Variants in PLCG2 observed in about 807,000 individuals in gnomAD.
PLCG2 encodes 1-phosphatidylinositol 4,5-bisphosphate phosphodiesterase gamma-2.
A neutral mutation model predicts 175.6 loss-of-function variants in PLCG2; 69 were observed. The ratio of observed to expected loss-of-function variants is 0.39; its 90% CI spans 0.32 to 0.48. PLCG2 has a LOEUF of 0.48. Ranked by LOEUF, PLCG2 falls within the 20% of genes least tolerant of loss-of-function variation. The pLI is 0.91. For missense variants in PLCG2, 1,798 were observed against 1,650.9 expected (o/e 1.09, Z -1.54); for synonymous variants, 827 against 624.0 (o/e 1.33, Z -4.85).
chr16:81,952,949 T>C (rs187931176), intron 31 of PLCG2, among the ~76,000 whole-genome samples: 2 of 152,342 alleles, frequency 1.3e-5, no homozygotes, highest in Admixed American at 1.3e-4. Context: ...CTTAATCAGA[T>C]GATCAACGTT....
intron 2 of PLCG2, among the ~76,000 whole-genome samples, chr16:81,827,190 G>GTTTTTTTGTTTTTT (rs1905081790): frequency 6.9e-6 from 1 of 144,066 alleles, no homozygotes; most frequent in African/African-American, 2.6e-5. Context: ...GGATTGCTGG[G>GTTTTTTTGTTTTTT]TTTTTTTTTT....
At chr16:81,742,762 C>T (rs148263735) in intron 1 of PLCG2, among the ~76,000 whole-genome samples, 2 of 152,276 alleles carry the variant, frequency 1.3e-5, no homozygotes, top group East Asian at 3.9e-4. Context: ...CGGGAGTGAA[C>T]AGGGGCCGGG....
chr16:81,869,692 A>G (rs1299745005), intron 6 of PLCG2, among the ~76,000 whole-genome samples: 1 of 152,188 alleles, frequency 6.6e-6, no homozygotes, highest in African/African-American at 2.4e-5. Context: ...GGCATTTTGT[A>G]TGCAAGTCCT....
intron 2 of PLCG2, among the ~76,000 whole-genome samples, chr16:81,789,851 C>CA (rs57522760): frequency 2.0e-5 from 3 of 151,792 alleles, no homozygotes; most frequent in South Asian, 2.1e-4. Flanking sequence ...TTTGCCCCCC[C>CA]TCCATTGCCT....
Position 81,785,960 on chromosome 16 carries a change from A to G in PLCG2, c.-30A>G, listed in dbSNP as rs749945394. On this transcript the variant is annotated 5_prime_UTR_variant, in exon 2 of 33. Coordinates refer to ENST00000564138, the MANE Select transcript of PLCG2 (RefSeq NM_002661.5). ...CCTTTCAGCTTCCTGATTTCTCCCG[A>G]TTCCTTCCTTCTCCCTGGAGCGGCC... 17 of 1,597,496 alleles carry G rather than the reference A, an allele frequency of 1.1e-5. No homozygotes were observed. The Admixed American group carries it at 1.9e-4, about 18-fold the overall frequency.
At chr16:81,781,874 C>A (rs903960747) in intron 1 of PLCG2, among the ~76,000 whole-genome samples, 1 of 3,602 alleles carries the variant, frequency 2.8e-4, no homozygotes, top group African/African-American at 1.1e-3. Flanking sequence ...TTCCCCCCCC[C>A]CCCCCGCCCG....
intron 22 of PLCG2, 61 bp downstream of exon 22, chr16:81,923,655 A>G (rs1597134870): frequency 4.8e-6 from 5 of 1,037,890 alleles, no homozygotes; most frequent in African/African-American, 3.1e-5. Context: ...CTTCTTGGTG[A>G]TAAGACTCAG....
chr16:81,806,791 A>AT (rs1415995564), intron 2 of PLCG2, among the ~76,000 whole-genome samples: 1 of 151,914 alleles, frequency 6.6e-6, no homozygotes, highest in Non-Finnish European at 1.5e-5. Flanking sequence ...GGCTGTGTAG[A>AT]TAAGTGTTTT....
intron 2 of PLCG2, among the ~76,000 whole-genome samples, chr16:81,851,567 C>T (rs1421305122): frequency 2.0e-5 from 3 of 152,150 alleles, no homozygotes; most frequent in Non-Finnish European, 4.4e-5. Context: ...GGCTGGAGTG[C>T]AGTGGCGTGG....
chr16:81,889,463 C>G, intron 10 of PLCG2, 190 bp downstream of exon 10: 1 of 522,090 alleles, frequency 1.9e-6, no homozygotes, highest in South Asian at 2.4e-5. Context: ...ATTACTGTAA[C>G]TGTAACTGCC....
Position 81,750,928 on chromosome 16 carries a change from C to T in PLCG2, c.-144-4942C>T, listed in dbSNP as rs573082139. On this transcript the variant is annotated intron_variant, in intron 1 of 5. Coordinates refer to the PLCG2 transcript ENST00000565054. ...GACCTCAAGATCCACCCACCTCAGC[C>T]TCCCAAAGTGCTGGGATTACAGGCG... 9.3e-5 allele frequency among the ~76,000 whole-genome samples: 14 copies of T among 150,070 alleles called. No individual in the cohort carries two copies. The South Asian group carries it at 3.0e-3, about 32-fold the overall frequency.
At chr16:81,841,381 C>G (rs13338037) in intron 2 of PLCG2, among the ~76,000 whole-genome samples, 19,804 of 151,780 alleles carry the variant, frequency 0.13, 1,286 homozygotes, top group South Asian at 0.19. Context: ...TACAGGCACC[C>G]AGGCGCTTAC....
At chr16:81,957,241 G>A (rs372118668) in intron 32 of PLCG2, among the ~76,000 whole-genome samples, 11 of 152,096 alleles carry the variant, frequency 7.2e-5, no homozygotes, top group African/African-American at 2.4e-4. Flanking sequence ...AGAGGTTGCA[G>A]TGAGCCGAGA....
chr16:81,786,436 C>A (rs568363769), intron 2 of PLCG2, among the ~76,000 whole-genome samples: 1 of 152,310 alleles, frequency 6.6e-6, no homozygotes, highest in East Asian at 1.9e-4. Flanking sequence ...GGCATTCAGG[C>A]AGCTCTCCTT....
intron 14 of PLCG2, among the ~76,000 whole-genome samples, chr16:81,904,362 T>C (rs4482276): frequency 1 from 152,290 of 152,338 alleles, 76,121 homozygotes; most frequent in Middle Eastern, 1. Context: ...TCTGACCCCC[T>C]ATCCTGAGCT....
intron 19 of PLCG2, among the ~76,000 whole-genome samples, chr16:81,917,570 T>C (rs926298459): frequency 4.6e-5 from 7 of 152,202 alleles, no homozygotes; most frequent in African/African-American, 9.6e-5. Flanking sequence ...CTTTAGCTAA[T>C]AGCCATTCTA....
At chr16:81,955,420 G>C (rs564641653) in intron 31 of PLCG2, among the ~76,000 whole-genome samples, 3 of 152,344 alleles carry the variant, frequency 2.0e-5, no homozygotes, top group Admixed American at 6.5e-5. Context: ...GCTTCACAGA[G>C]TAGTCAGGGA....
intron 2 of PLCG2, among the ~76,000 whole-genome samples, chr16:81,808,396 A>G (rs1295256225): frequency 1.3e-5 from 2 of 152,196 alleles, no homozygotes; most frequent in Admixed American, 6.5e-5. Context: ...GAGGGTCCTG[A>G]GAGACTGTAC....
chr16:81,929,115 A>G (rs1433782392), intron 24 of PLCG2, among the ~76,000 whole-genome samples: 2 of 152,176 alleles, frequency 1.3e-5, no homozygotes, highest in Non-Finnish European at 2.9e-5. Context: ...CACGTTGACC[A>G]TGCTGCAACG....
Sources: gnomAD v4.1 joint callset for allele counts (sites outside exome capture counted in the v4.1 genomes callset) on GRCh38, gnomAD v4.1.1 for gene constraint, MANE v1.5 for transcripts, NCBI Gene and HGNC (gene_info 2026-07-23, HGNC 2026-07-21) for gene names.